The following PDIA4 variants were observed in gnomAD, a reference collection of about 807,000 sequenced individuals.
PDIA4 encodes the protein protein disulfide isomerase family A member 4, also known as protein disulfide-isomerase A4.
In PDIA4, 33 loss-of-function variants were observed where a neutral mutation model predicts 62.1. The observed-to-expected ratio is 0.53, with a 90% CI of 0.40 to 0.71. The LOEUF (loss-of-function observed/expected upper bound fraction) is 0.71. PDIA4 is among the 30% of genes least tolerant of loss of function. The pLI is 0.00. For missense variants in PDIA4, 804 were observed against 813.6 expected (o/e 0.99, Z 0.14); for synonymous variants, 341 against 324.1 (o/e 1.05, Z -0.56).
chr7:149,024,126 A>T (rs1488435741), intron 1 of PDIA4, among the ~76,000 whole-genome samples: 1 of 152,128 alleles, frequency 6.6e-6, no homozygotes, highest in Non-Finnish European at 1.5e-5. Flanking sequence ...GCATGCCTGT[A>T]ATCTTAGCTA....
rs548451698 is a variant in PDIA4, at chr7:149,010,314, C to T, written c.979+1532G>A. ...CAGGAGTTCAAGACCAGCTGGGCAA[C>T]ATGGCAAAATCTTGTCTCCACAAAA... On this transcript the variant is annotated intron_variant, in intron 6 of 9. Transcript: ENST00000652332. 2.0e-5 allele frequency among the ~76,000 whole-genome samples: 3 copies of T among 152,176 alleles called. No individual in the cohort carries two copies. In the East Asian group the frequency reaches 5.8e-4, roughly 29 times the overall value.
intron 6 of PDIA4, among the ~76,000 whole-genome samples, chr7:149,011,477 C>T (rs1823940876): frequency 6.6e-6 from 1 of 152,234 alleles, no homozygotes; most frequent in African/African-American, 2.4e-5. Context: ...CAAGAGACCA[C>T]TAGGCTAACT....
chr7:149,014,915 A>C lies in PDIA4; in HGVS notation c.603T>G (p.Phe201Leu), dbSNP rs1295872077. ...TGACACCACCTTACCATGGGGCATA[A>C]AACTCCACCAGAATGATATCTGCAT... ...VNDADIILVE[F>L]YAPWCGHCKK... The change falls in exon 4 of 10, where the codon TTT (phenylalanine) becomes TTG (leucine). Residue 201 changes from phenylalanine (F) to leucine (L), a missense_variant. By Grantham distance (22) the Phe-to-Leu change is conservative. Transcript: ENST00000652332. The C allele has an allele frequency of 6.2e-7, 1 of 1,614,036 alleles. No individual in the cohort carries two copies. Among genetic ancestry groups the C allele is most frequent in the Non-Finnish European group, 8.5e-7 (1 of 1,179,994 alleles).
chr7:149,021,416 G>A (rs1241675469), intron 1 of PDIA4, among the ~76,000 whole-genome samples: 1 of 150,696 alleles, frequency 6.6e-6, no homozygotes, highest in Non-Finnish European at 1.5e-5. Context: ...TTGAACCTGG[G>A]AGGCGGAGGT....
Position 149,008,303 on chromosome 7 carries a change from G to A in PDIA4, c.987C>T (p.Asn329=), listed in dbSNP as rs2129504156. ...GGTGAAATTTGTAATCTTCTCTCAG[G>A]TTGTTAGCTGAAACGTTAACAGAAT... ...AYQQYQDAAN[N]LREDYKFHHT... The change falls in exon 7 of 10, where the codon AAC becomes AAT. Residue 329 remains asparagine, a synonymous_variant. Transcript: ENST00000652332. 2 of 1,611,626 alleles carry A rather than the reference G, an allele frequency of 1.2e-6. No homozygotes were observed. Among genetic ancestry groups the A allele is most frequent in the Non-Finnish European group, 1.7e-6 (2 of 1,179,270 alleles).
In PDIA4 at chr7:149,003,221, GC is replaced by G; in HGVS notation, c.*572del. On this transcript the variant is annotated 3_prime_UTR_variant, in exon 10 of 10. Coordinates refer to ENST00000652332, the MANE Select transcript of PDIA4 (RefSeq NM_004911.5). ...GTGGGTGGCCTCTCCCTGGAGCTGA[GC>G]CCACCCTGGGGGACCCTGGATCATG... is the stretch of plus-strand genomic sequence containing the variant. The G allele has an allele frequency of 6.1e-6, 1 of 163,356 alleles. No individual in the cohort carries two copies. The allele number at this position is 163,356 out of a possible 1,614,324, so 10.1% of individuals were successfully genotyped here.
intron 3 of PDIA4, 100 bp from the exon 4 acceptor site, chr7:149,015,142 G>C (rs1011520645): frequency 8.0e-7 from 1 of 1,248,274 alleles, no homozygotes; most frequent in Admixed American, 2.2e-5. Context: ...AGCAAGTGTC[G>C]GGGCCCACAA....
intron 1 of PDIA4, among the ~76,000 whole-genome samples, chr7:149,027,199 C>G (rs1488182179): frequency 6.6e-6 from 1 of 152,192 alleles, no homozygotes; most frequent in Admixed American, 6.5e-5. Flanking sequence ...TTTTGGGTAT[C>G]TGTATTTAAA....
chr7:149,005,738 A>T (rs1196563595), intron 8 of PDIA4, among the ~76,000 whole-genome samples, 159 bp downstream of exon 8: 1 of 152,196 alleles, frequency 6.6e-6, no homozygotes, highest in East Asian at 1.9e-4. Flanking sequence ...GCCATCAATT[A>T]AAAAATATAC....
chr7:149,011,870 C>G lies in PDIA4; in HGVS notation c.955G>C (p.Ala319Pro), dbSNP rs1563120837. 2 of 1,583,254 alleles carry G rather than the reference C, an allele frequency of 1.3e-6. No homozygotes were observed. The highest frequency in any genetic ancestry group is 1.7e-6 in the Non-Finnish European group (2 of 1,164,204). ...IGVFKGESDP[A>P]YQQYQDAANN... ...CCGGCATCCTGGTATTGCTGGTAGG[C>G]TGGGTCACTCTCCCCCTTAAAGACC... is the stretch of plus-strand genomic sequence containing the variant. The change falls in exon 6 of 10, where the codon GCC becomes CCC. Residue 319 changes from alanine (A) to proline (P), a missense_variant. By Grantham distance (27) the Ala-to-Pro change is conservative. Transcript: ENST00000652332.
intron 6 of PDIA4, among the ~76,000 whole-genome samples, chr7:149,008,751 C>T (rs1823844951): frequency 6.6e-6 from 1 of 151,772 alleles, no homozygotes; most frequent in South Asian, 2.1e-4. Flanking sequence ...AAAAAAGTCA[C>T]CACCAAAAAT....
intron 7 of PDIA4, among the ~76,000 whole-genome samples, chr7:149,006,643 A>G (rs766058474): frequency 6.6e-6 from 1 of 152,172 alleles, no homozygotes; most frequent in South Asian, 2.1e-4. Context: ...GCTGGTGAGA[A>G]GGGAGCAGAA....
Position 149,019,114 on chromosome 7 carries a change from G to C in PDIA4, c.353C>G (p.Ala118Gly), listed in dbSNP as rs565550693. Residue 118 changes from alanine (A) to glycine (G), a missense_variant, in exon 3 of 10, where the codon GCC becomes GGC. By Grantham distance (60) the Ala-to-Gly change is moderately conservative. Coordinates refer to ENST00000652332, the MANE Select transcript of PDIA4 (RefSeq NM_004911.5). ...LKDKDPPIPV[A>G]KIDATSASVL... ...AGACGCTGAGGTTGCATCGATCTTG[G>C]CAACAGGAATGGGAGGATCTTTATC... The C allele has an allele frequency of 6.2e-7, 1 of 1,613,774 alleles. No homozygotes were observed. The highest frequency in any genetic ancestry group is 1.3e-5 in the African/African-American group (1 of 74,968).
At position 149,021,031 on chromosome 7, in the gene PDIA4, C is replaced by T. The variant is rs1563123652; in HGVS notation, c.205G>A (p.Asp69Asn). The T allele has an allele frequency of 6.2e-7, 1 of 1,614,190 alleles. No homozygotes were observed. Among genetic ancestry groups the T allele is most frequent in the African/African-American group, 1.3e-5 (1 of 75,048 alleles). Residue 69 changes from aspartate (D) to asparagine (N), a missense_variant, in exon 2 of 10, where the codon GAT becomes AAT. Physicochemically the swap from Asp to Asn is conservative, Grantham distance 23 (BLOSUM62 1). Transcript: ENST00000652332. ...KEENGVLVLN[D>N]ANFDNFVADK... ...GCCACAAAATTATCAAAGTTTGCAT[C>T]ATTTAGGACCAAGACTCCATTTTCT...
At chr7:149,011,005 A>C (rs1348032542) in intron 6 of PDIA4, among the ~76,000 whole-genome samples, 1 of 152,218 alleles carries the variant, frequency 6.6e-6, no homozygotes, top group East Asian at 1.9e-4. Context: ...TAACAAGGCC[A>C]CCTAATTAAC....
Position 149,013,572 on chromosome 7 carries a change from G to A in PDIA4, c.615-1212C>T, listed in dbSNP as rs144890067. Among the ~76,000 whole-genome samples, 175 of 152,150 alleles carry A rather than the reference G, an allele frequency of 1.2e-3. 2 individuals carry two copies. The highest frequency in any genetic ancestry group is 3.7e-3 in the African/African-American group (152 of 41,500). On this transcript the variant is annotated intron_variant, in intron 4 of 9. Coordinates refer to ENST00000652332, the MANE Select transcript of PDIA4 (RefSeq NM_004911.5). The stretch of plus-strand genomic sequence containing the variant: ...CACACCTGTGGTCCCAGCTACTAGG[G>A]AGGCTGAGGCAGCACAATTGAGCCC...
intron 1 of PDIA4, 51 bp from the exon 2 acceptor site, chr7:149,021,198 A>C: frequency 6.5e-7 from 1 of 1,534,564 alleles, no homozygotes; most frequent in Non-Finnish European, 8.8e-7. Context: ...GACTCTCCTT[A>C]AAACTTTCCT....
chr7:149,028,120 C>T, intron 1 of PDIA4: 2 of 597,966 alleles, frequency 3.3e-6, no homozygotes, highest in Non-Finnish European at 3.0e-6. Flanking sequence ...CTCCCGGGAA[C>T]CCCAAATCGA....
intron 4 of PDIA4, among the ~76,000 whole-genome samples, chr7:149,012,662 A>G (rs768880710): frequency 6.6e-6 from 1 of 152,156 alleles, no homozygotes; most frequent in Non-Finnish European, 1.5e-5. Context: ...GCCAAGAGAG[A>G]CACTGTCCTG....
Sources: gnomAD v4.1 joint callset for allele counts (sites outside exome capture counted in the v4.1 genomes callset) on GRCh38, gnomAD v4.1.1 for gene constraint, MANE v1.5 for transcripts, NCBI Gene and HGNC (gene_info 2026-07-23, HGNC 2026-07-21) for gene names.